CDH13: variants seen among roughly 807,000 people sequenced by gnomAD.
The protein encoded by CDH13 is cadherin-13.
A neutral mutation model predicts 63.8 loss-of-function variants in CDH13; 24 were observed. The observed-to-expected ratio is 0.38, with a 90% confidence interval of 0.27 to 0.53. The LOEUF (loss-of-function observed/expected upper bound fraction) is 0.53. Among genes scored for constraint, CDH13 ranks in the 20% least tolerant of loss-of-function variants. CDH13 has a pLI of 0.85. For synonymous variants in CDH13, 503 were observed against 355.3 expected (o/e 1.42, Z -4.67); for missense variants, 1,049 against 903.1 (o/e 1.16, Z -2.07).
chr16:82,835,347 TA>T (rs1163008390), intron 1 of CDH13, among the ~76,000 whole-genome samples: 1 of 152,182 alleles, frequency 6.6e-6, no homozygotes, highest in African/African-American at 2.4e-5. Context: ...ATGCTCCGTA[TA>T]AATCTTGGTC....
intron 1 of CDH13, chr16:82,825,107 A>G (rs1378880217): frequency 6.6e-6 from 1 of 152,186 alleles, no homozygotes; most frequent in East Asian, 1.9e-4. Flanking sequence ...AGTTCATCAT[A>G]CGAATCTCTC....
At chr16:83,069,437 T>G (rs925094072) in intron 3 of CDH13, among the ~76,000 whole-genome samples, 1 of 152,194 alleles carries the variant, frequency 6.6e-6, no homozygotes, top group African/African-American at 2.4e-5. Flanking sequence ...CAGGCATTGT[T>G]TTATGTGAAC....
chr16:82,830,941 T>C (rs1445284000), intron 1 of CDH13, among the ~76,000 whole-genome samples: 1 of 152,178 alleles, frequency 6.6e-6, no homozygotes, highest in Admixed American at 6.5e-5. Context: ...TCTTGTGTTA[T>C]AATGGGCCTG....
chr16:82,674,838 G>T (rs1227299664), intron 1 of CDH13, among the ~76,000 whole-genome samples: 1 of 152,106 alleles, frequency 6.6e-6, no homozygotes, highest in Non-Finnish European at 1.5e-5. Flanking sequence ...AGACACAAAT[G>T]GATGACAAAG....
At chr16:83,657,851 G>T (rs1435431212) in intron 8 of CDH13, among the ~76,000 whole-genome samples, 1 of 135,962 alleles carries the variant, frequency 7.4e-6, no homozygotes, top group African/African-American at 2.8e-5. Context: ...GTCCTCACCA[G>T]CAGGTCCCAT....
intron 2 of CDH13, among the ~76,000 whole-genome samples, chr16:82,966,168 A>G (rs952066915): frequency 6.6e-6 from 1 of 151,994 alleles, no homozygotes; most frequent in East Asian, 1.9e-4. Context: ...TGTTTGTTTG[A>G]GACAAAGACT....
chr16:82,941,712 C>T (rs928656073), intron 2 of CDH13, among the ~76,000 whole-genome samples: 8 of 152,234 alleles, frequency 5.3e-5, no homozygotes, highest in South Asian at 2.1e-4. Flanking sequence ...TAACCACCTC[C>T]GAGTTTTCTT....
chr16:83,504,060 A>T (rs191745531), intron 7 of CDH13, among the ~76,000 whole-genome samples: 1 of 152,330 alleles, frequency 6.6e-6, no homozygotes, highest in East Asian at 1.9e-4. Context: ...ACCATGGCAC[A>T]TGTATACCTA....
At chr16:83,630,739 A>C (rs956824657) in intron 8 of CDH13, among the ~76,000 whole-genome samples, 1 of 152,208 alleles carries the variant, frequency 6.6e-6, no homozygotes, top group Non-Finnish European at 1.5e-5. Flanking sequence ...TACGTTGCCC[A>C]GGTGAAATTC....
chr16:83,445,010 A>AT lies in CDH13; in HGVS notation c.782-41460dup, dbSNP rs572092528. ...CATATTCAGAAACCACAGGGCTGGG[A>AT]TTTTTTTCAAATGAGGCCATGCTAG... On this transcript the variant is annotated intron_variant, in intron 6 of 13. Transcript: ENST00000567109. Among the ~76,000 whole-genome samples the AT allele has an allele frequency of 1.4e-3, 207 of 152,224 alleles. 9 individuals carry two copies. The South Asian group carries it at 0.04, about 29-fold the overall frequency.
At chr16:83,398,551 A>C (rs563664948) in intron 6 of CDH13, among the ~76,000 whole-genome samples, 1 of 152,178 alleles carries the variant, frequency 6.6e-6, no homozygotes, top group Non-Finnish European at 1.5e-5. Context: ...TTATTTTCCA[A>C]ATAAGATTCA....
intron 2 of CDH13, chr16:82,858,721 A>G (rs1597820433): frequency 3.4e-6 from 2 of 590,896 alleles, no homozygotes; most frequent in East Asian, 2.8e-5. Flanking sequence ...GCTGTCAGAA[A>G]AGGGGGCTGT....
At chr16:83,371,769 G>C (rs1384577584) in intron 6 of CDH13, among the ~76,000 whole-genome samples, 1 of 152,214 alleles carries the variant, frequency 6.6e-6, no homozygotes, top group African/African-American at 2.4e-5. Flanking sequence ...ACGGAACTCA[G>C]AGTGGATAGT....
chr16:82,666,255 A>G (rs886401528), intron 1 of CDH13, among the ~76,000 whole-genome samples: 2 of 152,240 alleles, frequency 1.3e-5, no homozygotes, highest in African/African-American at 4.8e-5. Context: ...ACACAGGGGA[A>G]TGGAAGGCTT....
chr16:83,757,490 A>G (rs1009885823), intron 11 of CDH13, among the ~76,000 whole-genome samples: 2 of 152,146 alleles, frequency 1.3e-5, no homozygotes, highest in Non-Finnish European at 2.9e-5. Flanking sequence ...AGGCAGGACA[A>G]TCGCTTGAAC....
chr16:82,698,164 G>C (rs959334880), intron 1 of CDH13, among the ~76,000 whole-genome samples: 2 of 152,218 alleles, frequency 1.3e-5, no homozygotes, highest in Non-Finnish European at 2.9e-5. Context: ...TGGAAGATTG[G>C]AGCATTGGTA....
At chr16:83,267,725 C>G (rs1027078308) in intron 5 of CDH13, among the ~76,000 whole-genome samples, 15 of 152,114 alleles carry the variant, frequency 9.9e-5, no homozygotes, top group Non-Finnish European at 2.2e-4. Context: ...TGTTGTGGCC[C>G]CTCAATCTTG....
chr16:83,327,189 A>G (rs2090384044), intron 5 of CDH13, among the ~76,000 whole-genome samples: 1 of 152,250 alleles, frequency 6.6e-6, no homozygotes, highest in Admixed American at 6.5e-5. Flanking sequence ...TATGCTTATT[A>G]GTAATACACG....
chr16:83,007,731 G>A (rs978445949), intron 2 of CDH13, among the ~76,000 whole-genome samples: 3 of 151,758 alleles, frequency 2.0e-5, no homozygotes, highest in African/African-American at 7.3e-5. Context: ...GGCTGAGATG[G>A]GAGGATCACT....
Sources: gnomAD v4.1 joint callset for allele counts (sites outside exome capture counted in the v4.1 genomes callset) on GRCh38, gnomAD v4.1.1 for gene constraint, MANE v1.5 for transcripts, NCBI Gene and HGNC (gene_info 2026-07-23, HGNC 2026-07-21) for gene names.